The following SLC35D4 variants were observed in gnomAD, a reference collection of about 807,000 sequenced individuals.
The protein encoded by SLC35D4 is solute carrier family 35 member D4, also known as UDP-N-acetylglucosamine transporter SLC35D4.
At chr18:23,420,659 A>G in the SLC35D4 span, among the ~76,000 whole-genome samples, 1 of 152,128 alleles carries the variant, frequency 6.6e-6, no homozygotes, top group African/African-American at 2.4e-5. Flanking sequence ...TACAGGCATG[A>G]GCCACCATGC....
At chr18:23,257,347 C>T in the SLC35D4 span, 21 of 1,610,146 alleles carry the variant, frequency 1.3e-5, no homozygotes, top group East Asian at 2.2e-5. Flanking sequence ...CCACTACAGA[C>T]GGCTGGTCCA....
At chr18:23,429,622 C>T in the SLC35D4 span, among the ~76,000 whole-genome samples, 1 of 152,172 alleles carries the variant, frequency 6.6e-6, no homozygotes, top group African/African-American at 2.4e-5. Context: ...GTAATCCTCC[C>T]ACCTTGGCCT....
At chr18:23,252,568 C>T in the SLC35D4 span, among the ~76,000 whole-genome samples, 1 of 152,138 alleles carries the variant, frequency 6.6e-6, no homozygotes, top group East Asian at 1.9e-4. Flanking sequence ...TCTCCCAAAG[C>T]CGTCAGACTA....
the SLC35D4 span, among the ~76,000 whole-genome samples, chr18:23,374,850 C>T: frequency 1.2e-3 from 182 of 152,104 alleles, no homozygotes; most frequent in Admixed American, 3.5e-3. Flanking sequence ...TATGGTGGCT[C>T]ATACCTGTAA....
the SLC35D4 span, among the ~76,000 whole-genome samples, chr18:23,337,912 T>C: frequency 6.6e-6 from 1 of 152,194 alleles, no homozygotes; most frequent in Admixed American, 6.5e-5. Flanking sequence ...TAAGGATACA[T>C]CAAAAAGAGG....
chr18:23,247,438 C>T, the SLC35D4 span, among the ~76,000 whole-genome samples: 1 of 152,338 alleles, frequency 6.6e-6, no homozygotes, highest in Admixed American at 6.5e-5. Flanking sequence ...AGCTTATGTG[C>T]TGGGCCCCTT....
At chr18:23,303,064 G>C in the SLC35D4 span, among the ~76,000 whole-genome samples, 1 of 152,214 alleles carries the variant, frequency 6.6e-6, no homozygotes, top group Non-Finnish European at 1.5e-5. Flanking sequence ...TGTGACTTCT[G>C]ATCAGTTTAA....
At chr18:23,322,913 C>A in the SLC35D4 span, among the ~76,000 whole-genome samples, 5 of 152,264 alleles carry the variant, frequency 3.3e-5, no homozygotes, top group Admixed American at 3.3e-4. Context: ...CTTTTCACTT[C>A]TTGGTTTCAT....
chr18:23,436,214 G>C, the SLC35D4 span, among the ~76,000 whole-genome samples: 1 of 151,518 alleles, frequency 6.6e-6, no homozygotes, highest in African/African-American at 2.4e-5. Flanking sequence ...TTTCAGTAGA[G>C]ACGGGGTTTC....
the SLC35D4 span, among the ~76,000 whole-genome samples, chr18:23,381,258 AC>A: frequency 2.0e-4 from 31 of 152,380 alleles, 1 homozygote; most frequent in Admixed American, 7.8e-4. Context: ...GATGTTTCTT[AC>A]CGTTCGTGTA....
At chr18:23,302,210 G>C in the SLC35D4 span, among the ~76,000 whole-genome samples, 1 of 152,240 alleles carries the variant, frequency 6.6e-6, no homozygotes, top group African/African-American at 2.4e-5. Flanking sequence ...CACAGACACA[G>C]AGGGGATGGG....
the SLC35D4 span, among the ~76,000 whole-genome samples, chr18:23,372,544 A>G: frequency 6.6e-6 from 1 of 152,344 alleles, no homozygotes; most frequent in East Asian, 1.9e-4. Context: ...ATTCTATGCT[A>G]TGAAATGGAG....
chr18:23,437,528 G>C, the SLC35D4 span, among the ~76,000 whole-genome samples: 1 of 152,106 alleles, frequency 6.6e-6, no homozygotes, highest in Non-Finnish European at 1.5e-5. Flanking sequence ...AAGTTCCCGG[G>C]AAATGGCCAG....
At chr18:23,408,132 CT>C in the SLC35D4 span, among the ~76,000 whole-genome samples, 308 of 131,400 alleles carry the variant, frequency 2.3e-3, 2 homozygotes, top group African/African-American at 8.4e-3. Context: ...AAATAACCCC[CT>C]ATCCACTGGC....
chr18:23,372,965 G>A, the SLC35D4 span, among the ~76,000 whole-genome samples: 2 of 150,216 alleles, frequency 1.3e-5, no homozygotes, highest in Non-Finnish European at 3.0e-5. Flanking sequence ...GGCGGGGGTG[G>A]GTCCTCAGCA....
the SLC35D4 span, chr18:23,309,639 G>GTA: frequency 1.9e-6 from 3 of 1,573,714 alleles, no homozygotes; most frequent in Admixed American, 5.0e-5. Flanking sequence ...ATGAAACTCA[G>GTA]TAACTAATTG....
At chr18:23,410,244 G>A in the SLC35D4 span, among the ~76,000 whole-genome samples, 1 of 152,154 alleles carries the variant, frequency 6.6e-6, no homozygotes, top group South Asian at 2.1e-4. Context: ...ACTTTGGGAG[G>A]CCGAGGTGGG....
chr18:23,382,772 C>T, the SLC35D4 span, among the ~76,000 whole-genome samples: 1 of 152,330 alleles, frequency 6.6e-6, no homozygotes, highest in African/African-American at 2.4e-5. Context: ...GCCGAGAGGC[C>T]TCCACCTCCC....
the SLC35D4 span, among the ~76,000 whole-genome samples, chr18:23,414,055 G>A: frequency 6.6e-6 from 1 of 150,838 alleles, no homozygotes; most frequent in Admixed American, 6.6e-5. Context: ...AGGAGTTCCA[G>A]ACCAGCCTGG....
Sources: allele counts gnomAD v4.1 joint callset (sites outside exome capture counted in the v4.1 genomes callset), GRCh38; gene constraint gnomAD v4.1.1; transcripts MANE v1.5; gene names NCBI Gene and HGNC (gene_info 2026-07-23, HGNC 2026-07-21).